FBXO10: variants seen among roughly 807,000 people sequenced by gnomAD.
FBXO10 encodes F-box only protein 10.
Under a neutral mutation model 80.7 loss-of-function variants are expected in FBXO10, and 39 were observed. The ratio of observed to expected loss-of-function variants is 0.48; its 90% CI spans 0.37 to 0.63. The LOEUF is 0.63. FBXO10 is among the 30% of genes least tolerant of loss of function. FBXO10 has a pLI of 0.00. For synonymous variants in FBXO10, 449 were observed against 489.6 expected (o/e 0.92, Z 1.09); for missense variants, 1,025 against 1,269.0 (o/e 0.81, Z 2.92).
At chr9:37,567,225 C>G (rs950184169) in intron 1 of FBXO10, among the ~76,000 whole-genome samples, 4 of 151,556 alleles carry the variant, frequency 2.6e-5, no homozygotes, top group Admixed American at 6.6e-5. Flanking sequence ...TCACTACAGC[C>G]TCAATCTCCT....
At chr9:37,517,572 T>C (rs1037694440) in intron 9 of FBXO10, among the ~76,000 whole-genome samples, 1 of 102,136 alleles carries the variant, frequency 9.8e-6, no homozygotes, top group Admixed American at 8.8e-5. Context: ...GAGGTATGTG[T>C]GGACAAAAGC....
chr9:37,569,202 A>G (rs1185618142), intron 1 of FBXO10, among the ~76,000 whole-genome samples: 2 of 151,770 alleles, frequency 1.3e-5, no homozygotes, highest in African/African-American at 4.8e-5. Flanking sequence ...CAACTAATGG[A>G]AAAAAAATAC....
chr9:37,520,272 A>AT (rs1452481946), intron 8 of FBXO10, among the ~76,000 whole-genome samples: 11 of 110,084 alleles, frequency 1.0e-4, no homozygotes, highest in East Asian at 2.9e-4. Context: ...CACAGTAATT[A>AT]TTTTTTTTTA....
intron 2 of FBXO10, among the ~76,000 whole-genome samples, chr9:37,538,359 AAAG>A (rs1821827440): frequency 6.6e-6 from 1 of 152,184 alleles, no homozygotes; most frequent in African/African-American, 2.4e-5. Flanking sequence ...ATATGTCTCT[AAAG>A]AGAGGGGACA....
intron 1 of FBXO10, among the ~76,000 whole-genome samples, chr9:37,558,425 A>G (rs908657681): frequency 1.3e-5 from 2 of 152,196 alleles, no homozygotes; most frequent in African/African-American, 4.8e-5. Flanking sequence ...ATAAGTGTTC[A>G]ACCCAGTCAA....
At chr9:37,517,253 G>T (rs1821205825) in intron 9 of FBXO10, among the ~76,000 whole-genome samples, 1 of 152,006 alleles carries the variant, frequency 6.6e-6, no homozygotes, top group Non-Finnish European at 1.5e-5. Flanking sequence ...CTATATATTG[G>T]GTACAGTGTA....
At chr9:37,548,522 G>A (rs1353843387) in intron 1 of FBXO10, among the ~76,000 whole-genome samples, 2 of 152,116 alleles carry the variant, frequency 1.3e-5, no homozygotes, top group South Asian at 2.1e-4. Flanking sequence ...TCCACCACCT[G>A]TACTGTATTC....
At chr9:37,547,735 G>T (rs996413942) in intron 1 of FBXO10, among the ~76,000 whole-genome samples, 2 of 152,132 alleles carry the variant, frequency 1.3e-5, no homozygotes, top group African/African-American at 4.8e-5. Flanking sequence ...GAGGTGGGAG[G>T]ACAGCTTGAG....
intron 6 of FBXO10, 144 bp from the exon 7 acceptor site, chr9:37,523,121 G>A (rs187748945): frequency 5.7e-6 from 5 of 875,274 alleles, no homozygotes; most frequent in Middle Eastern, 3.4e-4. Context: ...TGTAAATCTT[G>A]TCTGCTGTCT....
intron 10 of FBXO10, chr9:37,515,250 A>G (rs1821153730): frequency 6.6e-6 from 1 of 152,410 alleles, no homozygotes; most frequent in Non-Finnish European, 1.5e-5. Context: ...GCAGTAACAC[A>G]GGCGGTACAG....
chr9:37,534,103 T>C, intron 3 of FBXO10, among the ~76,000 whole-genome samples: 1 of 152,036 alleles, frequency 6.6e-6, no homozygotes, highest in Middle Eastern at 3.2e-3. Flanking sequence ...CAAAGCATGA[T>C]AATATATAAA....
chr9:37,529,300 C>T, intron 4 of FBXO10, 40 bp from the exon 5 acceptor site: 1 of 1,576,432 alleles, frequency 6.3e-7, no homozygotes. Flanking sequence ...CCAGATCAGA[C>T]ACGTCAGCGA....
At chr9:37,522,195 T>G in intron 7 of FBXO10, 1 of 300,436 alleles carries the variant, frequency 3.3e-6, no homozygotes, top group Non-Finnish European at 4.9e-6. Context: ...GCCCTACCAC[T>G]TCCCAGCTGT....
chr9:37,569,219 T>A (rs768162970), intron 1 of FBXO10, among the ~76,000 whole-genome samples: 9 of 151,368 alleles, frequency 5.9e-5, no homozygotes, highest in Non-Finnish European at 1.2e-4. Flanking sequence ...ATACCTTGTG[T>A]AGATTTTTAA....
chr9:37,516,059 G>C lies in FBXO10; in HGVS notation c.2541C>G (p.Phe847Leu). 1 of 1,613,088 alleles carries C rather than the reference G, an allele frequency of 6.2e-7. No individual in the cohort carries two copies. Among genetic ancestry groups the C allele is most frequent in the South Asian group, 1.1e-5 (1 of 91,018 alleles). The part of the protein sequence containing the change: ...TKVIKNRIHS[F>L]RAYGIAVRGR... Reference sequence around the variant, plus strand: ...CCCGCACGGCGATGCCGTAGGCCCGGAACGAGTGGATCCGGTTCTTTATTA... The same window carrying C: ...CCCGCACGGCGATGCCGTAGGCCCGCAACGAGTGGATCCGGTTCTTTATTA... The change falls in exon 10 of 11, where the codon TTC becomes TTG. Residue 847 changes from phenylalanine to leucine, a missense_variant. This residue lies in a region of FBXO10 where 478 missense variants were observed against 667.8 expected (regional missense o/e 0.72). Transcript: ENST00000432825.
rs1821814616 is a variant in FBXO10 at position 37,537,882 on chromosome 9, T to C, written c.647A>G (p.His216Arg). Residue 216 changes from histidine to arginine, a missense_variant, in exon 3 of 11, where the codon CAT (histidine) becomes CGT (arginine). By Grantham distance (29) the His-to-Arg change is conservative. This residue lies in a region of FBXO10 where 450 missense variants were observed against 499.4 expected (regional missense o/e 0.90). Coordinates refer to ENST00000432825, the MANE Select transcript of FBXO10 (RefSeq NM_012166.3). ...CTTCACTTGGCAAGTACCCGGGCCA[T>C]GGACCTGGATGTGCCCGTTCTCAAA... Reference protein sequence around the residue: ...CNFENGHIQVHGPGTCQVKFC... With the variant: ...CNFENGHIQVRGPGTCQVKFC... 4 of 1,613,882 alleles carry C rather than the reference T, an allele frequency of 2.5e-6. No homozygotes were observed. The highest frequency in any genetic ancestry group is 3.4e-6 in the Non-Finnish European group (4 of 1,179,906).
At chr9:37,555,700 GTTTT>G (rs146533513) in intron 1 of FBXO10, among the ~76,000 whole-genome samples, 1 of 145,516 alleles carries the variant, frequency 6.9e-6, no homozygotes, top group Non-Finnish European at 1.5e-5. Context: ...GTTTTTAATT[GTTTT>G]TTTTAATATA....
At chr9:37,536,684 C>A (rs1369826697) in intron 3 of FBXO10, among the ~76,000 whole-genome samples, 3 of 152,132 alleles carry the variant, frequency 2.0e-5, no homozygotes, top group Admixed American at 1.3e-4. Flanking sequence ...TTTCCCTGGA[C>A]CTTCTTCTCA....
At chr9:37,536,368 C>T (rs1821766096) in intron 3 of FBXO10, among the ~76,000 whole-genome samples, 1 of 152,122 alleles carries the variant, frequency 6.6e-6, no homozygotes, top group Non-Finnish European at 1.5e-5. Context: ...CTGTCTTTCC[C>T]TTCAGAAGGC....
Sources: gnomAD v4.1 joint callset for allele counts (sites outside exome capture counted in the v4.1 genomes callset) on GRCh38, gnomAD v4.1.1 for gene constraint, gnomAD v4.1.1 regional missense constraint, MANE v1.5 for transcripts, NCBI Gene and HGNC (gene_info 2026-07-23, HGNC 2026-07-21) for gene names.